TMTC2: variants seen among roughly 807,000 people sequenced by gnomAD.
The protein encoded by TMTC2 is protein O-mannosyl-transferase TMTC2.
TMTC2 carries 43 observed loss-of-function variants against 82.4 expected under a neutral mutation model. The observed-to-expected ratio is 0.52, with a 90% confidence interval of 0.41 to 0.67. The LOEUF is 0.67. TMTC2 is among the 30% of genes least tolerant of loss of function. The pLI, the probability that TMTC2 is intolerant of heterozygous loss-of-function variation, is 0.00. For missense variants in TMTC2, 919 were observed against 1,012.4 expected (o/e 0.91, Z 1.25); for synonymous variants, 408 against 381.9 (o/e 1.07, Z -0.80).
Position 82,719,069 on chromosome 12 carries a change from ATATATATATATATATATTTTTTTTTTTTT to A in TMTC2, c.83+31402_83+31430del, listed in dbSNP as rs1450498382. ...CAGCTTTAGATGATTTTATATATAT[ATATATATATATATATATTTTTTTTTTTTT>A]TTTTTTTTTTTTTGAGACGGAGTCT... On this transcript the variant is annotated intron_variant, in intron 1 of 11. Coordinates refer to ENST00000321196, the MANE Select transcript of TMTC2 (RefSeq NM_152588.3). 1.1e-3 allele frequency among the ~76,000 whole-genome samples: 74 copies of A among 69,174 alleles called. 1 individual carries two copies. The highest frequency in any genetic ancestry group is 4.4e-3 in the African/African-American group (66 of 15,140). 45.4% of individuals were successfully genotyped at this position (69,174 alleles called of 152,430 possible). A position where few individuals can be genotyped will look rare whatever the true frequency, so the allele number is the denominator to read the frequency against.
At chr12:82,808,610 C>T (rs1025363952) in intron 1 of TMTC2, among the ~76,000 whole-genome samples, 8 of 151,924 alleles carry the variant, frequency 5.3e-5, no homozygotes, top group African/African-American at 1.4e-4. Flanking sequence ...TATTGGTCAC[C>T]GTTATATGCC....
chr12:82,805,046 G>A (rs907111471), intron 1 of TMTC2, among the ~76,000 whole-genome samples: 5 of 152,120 alleles, frequency 3.3e-5, no homozygotes, highest in Non-Finnish European at 7.4e-5. Flanking sequence ...AACATGAGGC[G>A]TCCACCCTAC....
intron 11 of TMTC2, among the ~76,000 whole-genome samples, chr12:83,086,773 A>G (rs1441605278): frequency 6.6e-6 from 1 of 152,202 alleles, no homozygotes; most frequent in East Asian, 1.9e-4. Flanking sequence ...CATACCTTAA[A>G]TAAAAAACAT....
At chr12:82,730,724 C>A (rs998106191) in intron 1 of TMTC2, among the ~76,000 whole-genome samples, 1 of 152,136 alleles carries the variant, frequency 6.6e-6, no homozygotes, top group Non-Finnish European at 1.5e-5. Context: ...TTGATGGAGC[C>A]ATCTTGAAAA....
At chr12:83,093,004 G>A (rs1156436673) in intron 11 of TMTC2, among the ~76,000 whole-genome samples, 3 of 152,136 alleles carry the variant, frequency 2.0e-5, no homozygotes, top group African/African-American at 7.2e-5. Context: ...CAAAGGGCTC[G>A]CTCTCCAATA....
intron 1 of TMTC2, among the ~76,000 whole-genome samples, chr12:82,855,744 C>T (rs1289686210): frequency 6.6e-6 from 1 of 152,208 alleles, no homozygotes; most frequent in Non-Finnish European, 1.5e-5. Context: ...CCACATATGT[C>T]AGTACTTTTG....
chr12:82,783,806 G>T (rs985602691), intron 1 of TMTC2, among the ~76,000 whole-genome samples: 1 of 152,002 alleles, frequency 6.6e-6, no homozygotes, highest in African/African-American at 2.4e-5. Flanking sequence ...GGAGCAACTG[G>T]GAAGGGTGGG....
chr12:83,060,321 T>C (rs1882693790), intron 10 of TMTC2, among the ~76,000 whole-genome samples: 1 of 151,762 alleles, frequency 6.6e-6, no homozygotes, highest in South Asian at 2.1e-4. Context: ...ATTTCCATAA[T>C]TTATATGGTT....
intron 1 of TMTC2, among the ~76,000 whole-genome samples, chr12:82,746,837 G>A (rs776880121): frequency 2.6e-5 from 4 of 152,202 alleles, no homozygotes; most frequent in Non-Finnish European, 5.9e-5. Flanking sequence ...ACAGAGGAGG[G>A]CCAAATGAAA....
At chr12:82,960,381 G>C (rs1877863391) in intron 4 of TMTC2, among the ~76,000 whole-genome samples, 1 of 151,948 alleles carries the variant, frequency 6.6e-6, no homozygotes. Context: ...AATCAATCTA[G>C]GTTCTGTTAA....
chr12:82,994,558 C>T (rs1194303805), intron 8 of TMTC2, among the ~76,000 whole-genome samples: 1 of 151,546 alleles, frequency 6.6e-6, no homozygotes, highest in Non-Finnish European at 1.5e-5. Context: ...CTCTGATATT[C>T]CATATTACTG....
intron 1 of TMTC2, among the ~76,000 whole-genome samples, chr12:82,788,466 A>G (rs549677509): frequency 6.6e-6 from 1 of 152,246 alleles, no homozygotes; most frequent in Admixed American, 6.5e-5. Context: ...GCCTAGGAAC[A>G]GCAATAAGAG....
chr12:82,974,746 G>C (rs1024350435), intron 7 of TMTC2, among the ~76,000 whole-genome samples: 19 of 152,192 alleles, frequency 1.2e-4, no homozygotes, highest in Middle Eastern at 3.2e-3. Flanking sequence ...TCATGCATAG[G>C]TTTGATGAAG....
intron 3 of TMTC2, among the ~76,000 whole-genome samples, chr12:82,912,091 C>G (rs1874701789): frequency 2.6e-5 from 4 of 152,146 alleles, no homozygotes; most frequent in Admixed American, 1.3e-4. Context: ...AATTCAGTTC[C>G]TTTTTGCAAA....
At chr12:82,733,615 G>T (rs556236213) in intron 1 of TMTC2, among the ~76,000 whole-genome samples, 76 of 152,244 alleles carry the variant, frequency 5.0e-4, no homozygotes, top group African/African-American at 1.8e-3. Context: ...GACAGAATTA[G>T]TTTCTAGTGG....
At chr12:82,867,303 C>A (rs1871917107) in intron 2 of TMTC2, among the ~76,000 whole-genome samples, 1 of 152,160 alleles carries the variant, frequency 6.6e-6, no homozygotes, top group Non-Finnish European at 1.5e-5. Flanking sequence ...TGTGTTGATT[C>A]ACTTAATTTC....
intron 2 of TMTC2, among the ~76,000 whole-genome samples, chr12:82,874,319 A>T (rs1872369033): frequency 6.6e-6 from 1 of 152,150 alleles, no homozygotes; most frequent in South Asian, 2.1e-4. Flanking sequence ...TCTCCAGGAG[A>T]TTTTCCTAAT....
chr12:83,117,896 TTTTA>T (rs3069105), intron 11 of TMTC2, among the ~76,000 whole-genome samples: 38,887 of 148,934 alleles, frequency 0.26, 5,175 homozygotes, highest in Middle Eastern at 0.33. Context: ...TTCCTAAGTA[TTTTA>T]TTTATTTATT....
intron 3 of TMTC2, 56 bp downstream of exon 3, chr12:82,896,702 A>T (rs866290626): frequency 7.2e-6 from 10 of 1,389,102 alleles, no homozygotes; most frequent in Admixed American, 2.3e-5. Context: ...GCCTCTTTAT[A>T]TCTTTGCTTC....
Sources: gnomAD v4.1 joint callset for allele counts (sites outside exome capture counted in the v4.1 genomes callset) on GRCh38, gnomAD v4.1.1 for gene constraint, MANE v1.5 for transcripts, NCBI Gene and HGNC (gene_info 2026-07-23, HGNC 2026-07-21) for gene names.